The following IGF1R variants were observed in gnomAD, a reference collection of about 807,000 sequenced individuals.
IGF1R encodes the protein insulin like growth factor 1 receptor.
Under a neutral mutation model 144.6 loss-of-function variants are expected in IGF1R, and 44 were observed. The observed-to-expected ratio is 0.30, with a 90% CI of 0.24 to 0.39. The LOEUF is 0.39. Among genes scored for constraint, IGF1R ranks in the 10% least tolerant of loss-of-function variants. The pLI is 1.00. For synonymous variants in IGF1R, 795 were observed against 722.8 expected, an observed-to-expected ratio of 1.10 and a Z score of -1.60; for missense variants, 1,355 against 1,833.7, an observed-to-expected ratio of 0.74 and a Z score of 4.77.
intron 20 of IGF1R, among the ~76,000 whole-genome samples, chr15:98,950,479 C>T (rs933754050): frequency 2.0e-5 from 3 of 152,206 alleles, no homozygotes; most frequent in African/African-American, 7.2e-5. Flanking sequence ...GGGTTCTGCA[C>T]TTGCAGGACT....
At chr15:98,699,218 A>T (rs1284824380) in intron 1 of IGF1R, among the ~76,000 whole-genome samples, 1 of 152,200 alleles carries the variant, frequency 6.6e-6, no homozygotes, top group Non-Finnish European at 1.5e-5. Flanking sequence ...TCGGAGGTTT[A>T]GGGTGCTGTC....
At chr15:98,785,826 G>A (rs148716064) in intron 2 of IGF1R, among the ~76,000 whole-genome samples, 1 of 152,124 alleles carries the variant, frequency 6.6e-6, no homozygotes, top group Non-Finnish European at 1.5e-5. Flanking sequence ...CATGTGAGGT[G>A]CCCCAATAAA....
At chr15:98,924,431 G>C in intron 12 of IGF1R, 94 bp from the exon 13 acceptor site, 1 of 1,146,772 alleles carries the variant, frequency 8.7e-7, no homozygotes, top group South Asian at 1.2e-5. Context: ...GTCAGATCAG[G>C]CAGCTGGAGT....
intron 1 of IGF1R, among the ~76,000 whole-genome samples, chr15:98,649,992 GCGGGCTCCGCGGTTCC>G (rs1387180191): frequency 7.2e-5 from 11 of 152,194 alleles, no homozygotes; most frequent in Middle Eastern, 3.2e-3. Flanking sequence ...TGGTGCCGGG[GCGGGCTCCGCGGTTCC>G]CGGGCCCCGC....
intron 2 of IGF1R, among the ~76,000 whole-genome samples, chr15:98,717,212 G>T (rs2054138567): frequency 6.6e-6 from 1 of 152,178 alleles, no homozygotes; most frequent in Non-Finnish European, 1.5e-5. Flanking sequence ...CAGGTATGTG[G>T]TGCTAGGACA....
chr15:98,904,094 C>G (rs1161778844), intron 5 of IGF1R, among the ~76,000 whole-genome samples: 1 of 150,016 alleles, frequency 6.7e-6, no homozygotes, highest in African/African-American at 2.5e-5. Context: ...ACTCTGTCAC[C>G]CAGGCTGCAG....
chr15:98,791,725 A>T (rs1182363752), intron 2 of IGF1R, among the ~76,000 whole-genome samples: 1 of 152,248 alleles, frequency 6.6e-6, no homozygotes, highest in Non-Finnish European at 1.5e-5. Context: ...TAGTGCTACA[A>T]TGAGATAAAT....
At chr15:98,831,090 A>G (rs1196088481) in intron 2 of IGF1R, among the ~76,000 whole-genome samples, 1 of 152,194 alleles carries the variant, frequency 6.6e-6, no homozygotes, top group African/African-American at 2.4e-5. Context: ...GATCCACCCC[A>G]TGACCCAAAC....
In IGF1R at chr15:98,960,244, C is replaced by T. The variant is rs546291988; in HGVS notation, c.*2802C>T. The T allele has an allele frequency of 8.6e-6, 2 of 233,642 alleles. No individual in the cohort carries two copies. The highest frequency in any genetic ancestry group is 1.8e-4 in the South Asian group (1 of 5,534). The allele number at this position is 233,642 out of a possible 1,614,324, so 14.5% of individuals were successfully genotyped here. Reference sequence around the variant, plus strand: ...AAAGCAACACTAACTCACCTCTCTGCTCATTTCAGACAGCTTGCCTTTTTC... The same window carrying T: ...AAAGCAACACTAACTCACCTCTCTGTTCATTTCAGACAGCTTGCCTTTTTC... On this transcript the variant is annotated 3_prime_UTR_variant, in exon 21 of 21. Coordinates refer to ENST00000650285, the MANE Select transcript of IGF1R (RefSeq NM_000875.5).
Position 98,962,879 on chromosome 15 carries a change from G to A in IGF1R, c.*5437G>A, listed in dbSNP as rs973015429. The A allele has an allele frequency of 2.1e-5, 5 of 233,560 alleles. No individual in the cohort carries two copies. The highest frequency in any genetic ancestry group is 1.8e-4 in the South Asian group (1 of 5,528). The allele number at this position is 233,560 out of a possible 1,614,324, so 14.5% of individuals were successfully genotyped here. A position where few individuals can be genotyped will look rare whatever the true frequency, so the allele number is the denominator to read the frequency against. ...CAAGAACACAAACTACATCGCACTC[G>A]TCAGTTGTCAGTTCTGGGGCATGAC... On this transcript the variant is annotated 3_prime_UTR_variant, in exon 21 of 21. Transcript: ENST00000650285.
At chr15:98,956,427 T>C (rs2016987109) in intron 20 of IGF1R, among the ~76,000 whole-genome samples, 2 of 152,248 alleles carry the variant, frequency 1.3e-5, no homozygotes, top group African/African-American at 4.8e-5. Context: ...TGGGGCTTGC[T>C]TGTGCAGGGC....
chr15:98,837,085 A>G (rs575298000), intron 2 of IGF1R, among the ~76,000 whole-genome samples: 23 of 151,760 alleles, frequency 1.5e-4, no homozygotes, highest in Non-Finnish European at 3.2e-4. Context: ...CTCTTTTTTC[A>G]TATTTCTTTT....
rs978673849 is a variant in IGF1R, at chr15:98,917,604, C to G, written c.2201+728C>G. ...CCAGTGTACATCAACAGGTGAGTGG[C>G]TCAATAAAATGGGCTCGAACCTTAC... is the stretch of plus-strand genomic sequence containing the variant. On this transcript the variant is annotated intron_variant, in intron 10 of 20. Transcript: ENST00000650285. Among the ~76,000 whole-genome samples the G allele has an allele frequency of 2.0e-5, 3 of 152,140 alleles. No homozygotes were observed. In the East Asian group the frequency reaches 5.8e-4, roughly 29 times the overall value.
In IGF1R at chr15:98,959,011, C is replaced by T. The variant is rs569497481; in HGVS notation, c.*1569C>T. The T allele has an allele frequency of 1.0e-4, 24 of 233,164 alleles. No homozygotes were observed. The highest frequency in any genetic ancestry group is 1.8e-4 in the South Asian group (1 of 5,528). The allele number at this position is 233,164 out of a possible 1,614,324, so 14.4% of individuals were successfully genotyped here. ...GGCCGGGCACCCATCCTGAGAGGGC[C>T]GCGCTCCTCTCCCCAGCCTGCCCTC... On this transcript the variant is annotated 3_prime_UTR_variant, in exon 21 of 21. Transcript: ENST00000650285.
At position 98,929,754 on chromosome 15, in the gene IGF1R, A is replaced by T. The variant is rs941922799; in HGVS notation, c.2885+94A>T. ...GTGATATTTTTGAAGATTTCAAGGA[A>T]ATATTTTATGGACTGGAAAACCTGA... On this transcript the variant is annotated intron_variant, in intron 14 of 20. Coordinates refer to ENST00000650285, the MANE Select transcript of IGF1R (RefSeq NM_000875.5). The T allele has an allele frequency of 3.8e-5, 34 of 889,090 alleles. No homozygotes were observed. The African/African-American group carries it at 5.2e-4, about 14-fold the overall frequency. 55.1% of individuals were successfully genotyped at this position (889,090 alleles called of 1,614,324 possible).
intron 2 of IGF1R, among the ~76,000 whole-genome samples, chr15:98,889,973 TGACAGCCCACAGAGTGTGATCAC>T (rs748277444): frequency 4.6e-5 from 7 of 152,250 alleles, no homozygotes; most frequent in Non-Finnish European, 1.0e-4. Context: ...CAAGTAAGGC[TGACAGCCCACAGAGTGTGATCAC>T]GACAGCATTG....
intron 2 of IGF1R, among the ~76,000 whole-genome samples, chr15:98,755,791 G>A (rs1235177747): frequency 8.8e-6 from 1 of 113,532 alleles, no homozygotes; most frequent in African/African-American, 3.2e-5. Flanking sequence ...ATAAAAAAAT[G>A]TGTTTTAACA....
chr15:98,886,075 C>T (rs567138224), intron 2 of IGF1R, among the ~76,000 whole-genome samples: 1 of 152,296 alleles, frequency 6.6e-6, no homozygotes, highest in South Asian at 2.1e-4. Flanking sequence ...GCCTCGGCCT[C>T]CCAAAGTGCT....
chr15:98,959,251 A>G lies in IGF1R; in HGVS notation c.*1809A>G. The G allele has an allele frequency of 4.3e-6, 1 of 233,570 alleles. No homozygotes were observed. The highest frequency in any genetic ancestry group is 6.0e-5 in the East Asian group (1 of 16,578). The allele number at this position is 233,570 out of a possible 1,614,324, so 14.5% of individuals were successfully genotyped here. A position where few individuals can be genotyped will look rare whatever the true frequency, so the allele number is the denominator to read the frequency against. On this transcript the variant is annotated 3_prime_UTR_variant, in exon 21 of 21. Transcript: ENST00000650285. ...AACAGCAGTGTTAACCGCAGACACT[A>G]GGCATTTGGATTACTATTTTTCTTA...
Sources: allele counts gnomAD v4.1 joint callset (sites outside exome capture counted in the v4.1 genomes callset), GRCh38; gene constraint gnomAD v4.1.1; transcripts MANE v1.5; gene names NCBI Gene and HGNC (gene_info 2026-07-23, HGNC 2026-07-21).